The following SLC9A8 variants were observed in gnomAD, a reference collection of about 807,000 sequenced individuals.
The protein encoded by SLC9A8 is solute carrier family 9 member A8.
In SLC9A8, 48 loss-of-function variants were observed where a neutral mutation model predicts 66.6. That is an observed-to-expected ratio of 0.72 (90% confidence interval 0.57 to 0.92). The LOEUF (loss-of-function observed/expected upper bound fraction) is 0.92. Among genes scored for constraint, SLC9A8 ranks in the 40% least tolerant of loss-of-function variants. The pLI, the probability that SLC9A8 is intolerant of heterozygous loss-of-function variation, is 0.00. For synonymous variants in SLC9A8, 274 were observed against 282.6 expected, an observed-to-expected ratio of 0.97 and a Z score of 0.31; for missense variants, 599 against 747.3, an observed-to-expected ratio of 0.80 and a Z score of 2.31.
intron 13 of SLC9A8, among the ~76,000 whole-genome samples, chr20:49,882,633 T>C (rs1015399665): frequency 2.0e-5 from 3 of 152,220 alleles, no homozygotes; most frequent in Admixed American, 6.5e-5. Context: ...TACTCCTGTT[T>C]CCAGCTGCCT....
chr20:49,850,750 G>A, intron 6 of SLC9A8, 60 bp from the exon 7 acceptor site: 1 of 1,595,872 alleles, frequency 6.3e-7, no homozygotes, highest in Non-Finnish European at 8.5e-7. Flanking sequence ...TTAAATCTTG[G>A]CTGTTCTCCA....
intron 5 of SLC9A8, among the ~76,000 whole-genome samples, chr20:49,846,464 C>T (rs2087994896): frequency 6.6e-6 from 1 of 150,806 alleles, no homozygotes; most frequent in South Asian, 2.1e-4. Flanking sequence ...AAAACCCTAC[C>T]TCCCAGGGTG....
intron 6 of SLC9A8, 31 bp downstream of exon 6, chr20:49,849,711 A>T (rs781011773): frequency 3.3e-6 from 5 of 1,530,440 alleles, no homozygotes. Flanking sequence ...ACACTTTGAA[A>T]GTCTTACATT....
At chr20:49,878,368 T>C (rs1278227808) in intron 12 of SLC9A8, among the ~76,000 whole-genome samples, 1 of 152,140 alleles carries the variant, frequency 6.6e-6, no homozygotes, top group Admixed American at 6.5e-5. Context: ...TGTGAGGAGG[T>C]AAAAGCAGAT....
chr20:49,818,701 G>A (rs1390463765), intron 2 of SLC9A8, among the ~76,000 whole-genome samples: 1 of 151,956 alleles, frequency 6.6e-6, no homozygotes, highest in African/African-American at 2.4e-5. Context: ...ATGTTGGCCA[G>A]GCTAGTCTTG....
chr20:49,879,811 A>C (rs948514008), intron 12 of SLC9A8, among the ~76,000 whole-genome samples: 5 of 152,252 alleles, frequency 3.3e-5, no homozygotes, highest in South Asian at 2.1e-4. Flanking sequence ...AAAAAAAAAA[A>C]AACTCTCAAA....
chr20:49,873,771 CAAAAAAAAAAAAAAAA>C (rs35613935), intron 10 of SLC9A8, among the ~76,000 whole-genome samples: 1 of 60,228 alleles, frequency 1.7e-5, no homozygotes. Flanking sequence ...AACTCCGTCT[CAAAAAAAAAAAAAAAA>C]AAAAAAAAGA....
intron 3 of SLC9A8, among the ~76,000 whole-genome samples, chr20:49,828,066 A>G (rs11904885): frequency 0.27 from 27,132 of 101,192 alleles, 3,137 homozygotes; most frequent in Middle Eastern, 0.34. Context: ...ACCCCCACCA[A>G]AAAAAAATTT....
rs2089904138 is a variant in SLC9A8, at chr20:49,886,709, G to A, written c.1492-43G>A. ...GGCTTCCAGGAGGTGCCCCCCGATG[G>A]TGCCAGCTGGTGGCCGTCGGGCCGC... On this transcript the variant is annotated intron_variant, in intron 14 of 15. Coordinates refer to ENST00000361573, the MANE Select transcript of SLC9A8 (RefSeq NM_015266.3). The surrounding 1 kb of genome is among the most constrained non-coding windows in gnomAD (Gnocchi z 4.8). 6.3e-7 allele frequency: 1 copy of A among 1,597,768 alleles called. No homozygotes were observed. The highest frequency in any genetic ancestry group is 8.5e-7 in the Non-Finnish European group (1 of 1,170,518).
chr20:49,867,307 A>C (rs1192459505), intron 10 of SLC9A8, among the ~76,000 whole-genome samples: 1 of 152,142 alleles, frequency 6.6e-6, no homozygotes, highest in Non-Finnish European at 1.5e-5. Context: ...GCACGTATCT[A>C]AGTCTCTTGA....
At chr20:49,823,274 C>T (rs1027165873) in intron 3 of SLC9A8, 133 bp downstream of exon 3, 20 of 743,050 alleles carry the variant, frequency 2.7e-5, no homozygotes, top group African/African-American at 5.3e-5. Flanking sequence ...TGCAACCTGC[C>T]CTAAGGGTGC....
intron 12 of SLC9A8, 123 bp downstream of exon 12, chr20:49,878,186 T>G (rs1412643803): frequency 2.7e-5 from 14 of 525,822 alleles, no homozygotes; most frequent in Non-Finnish European, 4.4e-5. Flanking sequence ...GACACTCTTT[T>G]GTTTAAAGTT....
chr20:49,866,883 C>T (rs2088992730), intron 10 of SLC9A8, among the ~76,000 whole-genome samples: 1 of 152,122 alleles, frequency 6.6e-6, no homozygotes, highest in Non-Finnish European at 1.5e-5. Context: ...TGTGGAATCT[C>T]CTGCTAATCC....
At chr20:49,876,171 C>A (rs562879481) in intron 11 of SLC9A8, among the ~76,000 whole-genome samples, 6 of 152,280 alleles carry the variant, frequency 3.9e-5, no homozygotes, top group African/African-American at 1.4e-4. Context: ...GGTCTCATGG[C>A]CAAGAAGTGG....
At chr20:49,871,875 C>A (rs1333355970) in intron 10 of SLC9A8, among the ~76,000 whole-genome samples, 1 of 152,210 alleles carries the variant, frequency 6.6e-6, no homozygotes, top group Non-Finnish European at 1.5e-5. Flanking sequence ...AATTTGTTGC[C>A]ATCCTTAAAG....
rs1555848153 is a variant in SLC9A8, at chr20:49,884,221, C to CACG, written c.1491+157_1491+158insGAC. ...CACGACACACACACACACACACACA[C>CACG]ACACACACACACACACACACGACAC... On this transcript the variant is annotated intron_variant, in intron 14 of 15. Transcript: ENST00000361573. The CACG allele has an allele frequency of 3.5e-5, 10 of 288,998 alleles. No homozygotes were observed. The East Asian group carries it at 6.3e-4, about 18-fold the overall frequency. The allele number at this position is 288,998 out of a possible 1,614,324, so 17.9% of individuals were successfully genotyped here. A position where few individuals can be genotyped will look rare whatever the true frequency, so the allele number is the denominator to read the frequency against.
At position 49,812,905 on chromosome 20, in the gene SLC9A8, TC is replaced by T; in HGVS notation, c.-16del. ...AGCCCCGCGGCTCCGAACTCGGTGG[TC>T]CTGGAAGCTCCGCAGGATGGGGGAG... is the stretch of plus-strand genomic sequence containing the variant. On this transcript the variant is annotated 5_prime_UTR_variant, in exon 1 of 16. Coordinates refer to ENST00000361573, the MANE Select transcript of SLC9A8 (RefSeq NM_015266.3). The T allele has an allele frequency of 6.7e-7, 1 of 1,491,408 alleles. No homozygotes were observed. 92.4% of individuals were successfully genotyped at this position (1,491,408 alleles called of 1,614,324 possible).
In SLC9A8 at chr20:49,887,917, A is replaced by G; in HGVS notation, c.1727A>G (p.Asp576Gly). The G allele has an allele frequency of 1.9e-6, 3 of 1,613,698 alleles. No individual in the cohort carries two copies. Among genetic ancestry groups the G allele is most frequent in the Middle Eastern group, 3.3e-4 (2 of 6,060 alleles). ...VRQGPSGSED[D>G]EQELL ...CAGGGCCCCTCCGGCTCCGAGGACG[A>G]CGAGCAGGAGCTGCTCTGACGCCAG... is the stretch of plus-strand genomic sequence containing the variant. The change falls in exon 16 of 16, where the codon GAC (aspartate) becomes GGC (glycine). Residue 576 changes from aspartate (D) to glycine (G), a missense_variant. By Grantham distance (94) the Asp-to-Gly change is moderately conservative. Coordinates refer to ENST00000361573, the MANE Select transcript of SLC9A8 (RefSeq NM_015266.3).
intron 3 of SLC9A8, among the ~76,000 whole-genome samples, chr20:49,828,871 G>T (rs1487926032): frequency 1.3e-5 from 2 of 150,792 alleles, no homozygotes; most frequent in East Asian, 3.9e-4. Flanking sequence ...TAATAATAAT[G>T]TATTAATATA....
Sources: allele counts gnomAD v4.1 joint callset (sites outside exome capture counted in the v4.1 genomes callset), GRCh38; gene constraint gnomAD v4.1.1; non-coding constraint Gnocchi (gnomAD v3.1); transcripts MANE v1.5; gene names NCBI Gene and HGNC (gene_info 2026-07-23, HGNC 2026-07-21).